Variants in RBPJ observed in about 807,000 individuals in gnomAD.
RBPJ encodes recombining binding protein suppressor of hairless.
Under a neutral mutation model 67.8 loss-of-function variants are expected in RBPJ, and 9 were observed. That is an observed-to-expected ratio of 0.13 (90% confidence interval 0.08 to 0.23). The LOEUF is 0.23. Ranked by LOEUF, RBPJ falls within the 10% of genes least tolerant of loss-of-function variation. The probability of loss-of-function intolerance (pLI) is 1.00; values close to 1 mark genes in which losing one functional copy is unlikely to be tolerated. For missense variants in RBPJ, 305 were observed against 595.6 expected, an observed-to-expected ratio of 0.51 and a Z score of 5.08; for synonymous variants, 198 against 203.3, an observed-to-expected ratio of 0.97 and a Z score of 0.22.
chr4:26,404,373 G>T (rs943440621), intron 2 of RBPJ, among the ~76,000 whole-genome samples: 19 of 152,006 alleles, frequency 1.2e-4, no homozygotes, highest in African/African-American at 4.6e-4. Context: ...ATGCAGAAAC[G>T]TATTACCACT....
chr4:26,234,940 C>A (rs974817214), intron 1 of RBPJ, among the ~76,000 whole-genome samples: 1 of 152,136 alleles, frequency 6.6e-6, no homozygotes, highest in South Asian at 2.1e-4. Context: ...TGATCGCCCA[C>A]CTCGGCCTCC....
chr4:26,389,583 G>A (rs1488705384), intron 2 of RBPJ, among the ~76,000 whole-genome samples: 3 of 148,964 alleles, frequency 2.0e-5, no homozygotes, highest in Admixed American at 1.4e-4. Flanking sequence ...ATAGAAATCC[G>A]ATTCTGTACA....
At chr4:26,276,995 G>T (rs188207769) in intron 1 of RBPJ, among the ~76,000 whole-genome samples, 1 of 152,146 alleles carries the variant, frequency 6.6e-6, no homozygotes, top group African/African-American at 2.4e-5. Flanking sequence ...GAAAAACCTG[G>T]CTGGGTGCAG....
rs572093535 is a variant in RBPJ, at chr4:26,374,502, A to C, written c.21-11851A>C. On this transcript the variant is annotated intron_variant, in intron 1 of 10. Transcript: ENST00000355476. ...TTCTTTTTTTTTTTTTCGAGATGGAATCTCGCTCTGTCACCAGGCTGGAGT... is the reference window on the plus strand; with the variant it reads ...TTCTTTTTTTTTTTTTCGAGATGGACTCTCGCTCTGTCACCAGGCTGGAGT... 3.4e-5 allele frequency among the ~76,000 whole-genome samples: 5 copies of C among 148,762 alleles called. No homozygotes were observed. The East Asian group carries it at 1.0e-3, about 30-fold the overall frequency.
chr4:26,266,745 C>A (rs566095130), intron 1 of RBPJ, among the ~76,000 whole-genome samples: 50 of 151,958 alleles, frequency 3.3e-4, no homozygotes, highest in African/African-American at 1.1e-3. Flanking sequence ...TCCTGAGCCC[C>A]ATTAGGTGGA....
chr4:26,125,001 C>T, the RBPJ span, among the ~76,000 whole-genome samples: 29 of 152,202 alleles, frequency 1.9e-4, no homozygotes, highest in South Asian at 5.8e-3. Flanking sequence ...ATGTTGTCTT[C>T]GGGCACATGG....
chr4:26,307,911 A>G (rs1722289037), intron 1 of RBPJ, among the ~76,000 whole-genome samples: 1 of 152,240 alleles, frequency 6.6e-6, no homozygotes. Flanking sequence ...GAAAATAATA[A>G]TTTAAGTAGC....
intron 1 of RBPJ, among the ~76,000 whole-genome samples, chr4:26,304,788 A>ATT (rs34531799): frequency 4.8e-4 from 68 of 142,454 alleles, no homozygotes; most frequent in East Asian, 3.4e-3. Flanking sequence ...CCCATTCTGT[A>ATT]TTTTTTTTTT....
chr4:26,425,975 C>CGAT (rs147849324), intron 7 of RBPJ, among the ~76,000 whole-genome samples: 1,989 of 151,454 alleles, frequency 0.013, 56 homozygotes, highest in African/African-American at 0.045. Flanking sequence ...TTTTTACCCT[C>CGAT]TGTCATGATT....
chr4:26,218,938 GAC>G (rs747479619), intron 1 of RBPJ, among the ~76,000 whole-genome samples: 2 of 152,146 alleles, frequency 1.3e-5, no homozygotes, highest in Non-Finnish European at 2.9e-5. Context: ...TCCTGCAAGA[GAC>G]ACAGACCTAG....
At chr4:26,155,998 C>A in the RBPJ span, among the ~76,000 whole-genome samples, 5 of 152,196 alleles carry the variant, frequency 3.3e-5, no homozygotes, top group Admixed American at 6.5e-5. Context: ...GGGGCAGTGA[C>A]AGTGCCCATA....
rs377605832 is a variant in RBPJ at position 26,237,849 on chromosome 4, C to T, written c.-167+74235C>T. Among the ~76,000 whole-genome samples, 108 of 151,910 alleles carry T rather than the reference C, an allele frequency of 7.1e-4. No homozygotes were observed. In the Middle Eastern group the frequency reaches 0.01, roughly 14 times the overall value. On this transcript the variant is annotated intron_variant, in intron 1 of 4. Coordinates refer to the RBPJ transcript ENST00000512351. ...GACACTTTGAGTTCCAATCCTAGCT[C>T]TATCATGAAGGAGCTATTTGAGTTT...
chr4:26,127,129 G>T, the RBPJ span, among the ~76,000 whole-genome samples: 1 of 152,178 alleles, frequency 6.6e-6, no homozygotes, highest in Non-Finnish European at 1.5e-5. Context: ...TAAAAGAGAT[G>T]CTTCCTGAAG....
chr4:26,353,983 T>C (rs1409451483), intron 1 of RBPJ, among the ~76,000 whole-genome samples: 2 of 151,590 alleles, frequency 1.3e-5, no homozygotes, highest in African/African-American at 2.4e-5. Context: ...CAGGCTGGAG[T>C]GCAGTGGCGT....
At chr4:26,390,660 A>G (rs189675528) in intron 2 of RBPJ, among the ~76,000 whole-genome samples, 81 of 152,326 alleles carry the variant, frequency 5.3e-4, no homozygotes, top group Non-Finnish European at 2.1e-4. Flanking sequence ...ATATCAGGAA[A>G]AGTCTGACAA....
intron 1 of RBPJ, among the ~76,000 whole-genome samples, chr4:26,170,631 A>G (rs548598905): frequency 6.6e-6 from 1 of 152,216 alleles, no homozygotes; most frequent in Non-Finnish European, 1.5e-5. Flanking sequence ...AGAGCAGTTA[A>G]GTGAGATGTA....
At chr4:26,358,854 G>A (rs1021777941) in intron 1 of RBPJ, among the ~76,000 whole-genome samples, 6 of 151,912 alleles carry the variant, frequency 3.9e-5, no homozygotes, top group African/African-American at 1.5e-4. Flanking sequence ...CATTATCCCA[G>A]TTCACTGTGT....
intron 1 of RBPJ, among the ~76,000 whole-genome samples, chr4:26,271,231 AG>A (rs1366188651): frequency 1.3e-5 from 2 of 152,134 alleles, no homozygotes; most frequent in African/African-American, 4.8e-5. Flanking sequence ...ACTTTATCAT[AG>A]GTATGCATGT....
intron 1 of RBPJ, among the ~76,000 whole-genome samples, chr4:26,168,255 T>C (rs377024872): frequency 2.0e-5 from 3 of 152,328 alleles, no homozygotes; most frequent in East Asian, 3.9e-4. Context: ...GGAGCTCTTG[T>C]AGGGCAGGCC....
Sources: gnomAD v4.1 joint callset for allele counts (sites outside exome capture counted in the v4.1 genomes callset) on GRCh38, gnomAD v4.1.1 for gene constraint, MANE v1.5 for transcripts, NCBI Gene and HGNC (gene_info 2026-07-23, HGNC 2026-07-21) for gene names.